WWTR1: variants seen among roughly 807,000 people sequenced by gnomAD.
WWTR1 encodes the protein WW domain-containing transcription regulator protein 1.
WWTR1 carries 13 observed loss-of-function variants against 40.1 expected under a neutral mutation model. That is an observed-to-expected ratio of 0.32 (90% CI 0.21 to 0.52). WWTR1 has a LOEUF of 0.52. Among genes scored for constraint, WWTR1 ranks in the 20% least tolerant of loss-of-function variants. WWTR1 has a pLI of 0.97. For missense variants in WWTR1, 436 were observed against 523.1 expected, an observed-to-expected ratio of 0.83 and a Z score of 1.63; for synonymous variants, 230 against 210.1, an observed-to-expected ratio of 1.09 and a Z score of -0.82.
At position 149,519,656 on chromosome 3, in the gene WWTR1, T is replaced by C. The variant is rs1451752966; in HGVS notation, c.*1149A>G. On this transcript the variant is annotated 3_prime_UTR_variant, in exon 7 of 7. Coordinates refer to ENST00000360632, the MANE Select transcript of WWTR1 (RefSeq NM_015472.6). Reference sequence around the variant, plus strand: ...ATTACAGTGCTTTATAAAATAAACATCAAGGCCGGGTGCGGTGGCTCACGC... The same window carrying C: ...ATTACAGTGCTTTATAAAATAAACACCAAGGCCGGGTGCGGTGGCTCACGC... 4 of 152,192 alleles carry C rather than the reference T, an allele frequency of 2.6e-5. No homozygotes were observed. Among genetic ancestry groups the C allele is most frequent in the African/African-American group, 9.7e-5 (4 of 41,446 alleles). 9.4% of individuals were successfully genotyped at this position (152,192 alleles called of 1,614,324 possible).
At chr3:149,564,418 CT>C (rs1737214807) in intron 3 of WWTR1, among the ~76,000 whole-genome samples, 4 of 151,620 alleles carry the variant, frequency 2.6e-5, no homozygotes, top group Admixed American at 2.6e-4. Flanking sequence ...GGCCTGGAGC[CT>C]TTTTTCCAAC....
chr3:149,622,277 T>C (rs1740314555), intron 2 of WWTR1, among the ~76,000 whole-genome samples: 1 of 152,140 alleles, frequency 6.6e-6, no homozygotes, highest in Non-Finnish European at 1.5e-5. Context: ...CAAGTTGTTG[T>C]TATTTGAAAG....
chr3:149,566,860 G>C (rs1018726730), intron 3 of WWTR1, among the ~76,000 whole-genome samples: 1 of 151,576 alleles, frequency 6.6e-6, no homozygotes, highest in African/African-American at 2.4e-5. Context: ...AGTACAGCTC[G>C]AGACACAGAC....
chr3:149,628,422 G>A (rs1298638758), intron 2 of WWTR1, among the ~76,000 whole-genome samples: 1 of 151,840 alleles, frequency 6.6e-6, no homozygotes, highest in African/African-American at 2.4e-5. Flanking sequence ...GGCACTTTGT[G>A]AGCTGCATGC....
chr3:149,520,675 T>C lies in WWTR1; in HGVS notation c.*130A>G. 1 of 799,404 alleles carries C rather than the reference T, an allele frequency of 1.3e-6. No homozygotes were observed. Among genetic ancestry groups the C allele is most frequent in the East Asian group, 3.0e-5 (1 of 33,302 alleles). The allele number at this position is 799,404 out of a possible 1,614,324, so 49.5% of individuals were successfully genotyped here. ...CCAGGCAATGATTAAACTGGCAACATAAAAAGGAGGGAGCACGAGTCATGG... is the reference window on the plus strand; with the variant it reads ...CCAGGCAATGATTAAACTGGCAACACAAAAAGGAGGGAGCACGAGTCATGG... On this transcript the variant is annotated 3_prime_UTR_variant, in exon 7 of 7. Transcript: ENST00000360632.
chr3:149,617,771 A>T (rs771121326), intron 2 of WWTR1, among the ~76,000 whole-genome samples: 1 of 152,236 alleles, frequency 6.6e-6, no homozygotes, highest in Non-Finnish European at 1.5e-5. Flanking sequence ...ACTGCACCCC[A>T]GCCTGGGAAA....
chr3:149,533,234 A>G (rs1032944792), intron 4 of WWTR1, among the ~76,000 whole-genome samples: 1 of 152,082 alleles, frequency 6.6e-6, no homozygotes, highest in African/African-American at 2.4e-5. Context: ...AGCTAGTCCA[A>G]CTGACCTCTT....
At chr3:149,676,436 G>C (rs1714261802) in intron 1 of WWTR1, among the ~76,000 whole-genome samples, 2 of 142,816 alleles carry the variant, frequency 1.4e-5, no homozygotes, top group East Asian at 4.2e-4. Context: ...ATCCTTGTCA[G>C]ACTAGATTCT....
intron 2 of WWTR1, among the ~76,000 whole-genome samples, chr3:149,619,422 A>T (rs1195183170): frequency 2.0e-5 from 3 of 152,146 alleles, no homozygotes; most frequent in Non-Finnish European, 2.9e-5. Context: ...GGAGTTCAAG[A>T]CCAGCCTGGG....
chr3:149,723,432 C>T lies in WWTR1; in HGVS notation n.459+648G>A, dbSNP rs1201516323. On this transcript the variant is annotated intron_variant and non_coding_transcript_variant, in intron 4 of 6. Coordinates refer to the WWTR1 transcript ENST00000474080. The stretch of plus-strand genomic sequence containing the variant: ...TAAACTCCCGACCTCAGGTGATCTG[C>T]CTGCCTCAGCCTCCCAAAGTGCAGG... 2.6e-5 allele frequency among the ~76,000 whole-genome samples: 4 copies of T among 152,250 alleles called. No homozygotes were observed. The South Asian group carries it at 8.3e-4, about 32-fold the overall frequency.
intron 2 of WWTR1, among the ~76,000 whole-genome samples, chr3:149,623,318 G>A (rs780406511): frequency 6.6e-6 from 1 of 152,150 alleles, no homozygotes; most frequent in African/African-American, 2.4e-5. Context: ...AGCCGAGATT[G>A]TGCCACTGCA....
chr3:149,537,266 G>C (rs1028547893), intron 4 of WWTR1, among the ~76,000 whole-genome samples: 26 of 151,994 alleles, frequency 1.7e-4, no homozygotes, highest in African/African-American at 5.6e-4. Context: ...CTTTGGAATG[G>C]GTACATACAA....
intron 2 of WWTR1, among the ~76,000 whole-genome samples, chr3:149,577,809 CCACCCTCCAAGT>C (rs942457810): frequency 2.0e-5 from 3 of 151,798 alleles, no homozygotes; most frequent in African/African-American, 7.3e-5. Flanking sequence ...GGTGGCACTC[CCACCCTCCAAGT>C]CACCCTCCCC....
intron 3 of WWTR1, among the ~76,000 whole-genome samples, chr3:149,543,523 A>C (rs2107939767): frequency 7.6e-6 from 1 of 131,954 alleles, no homozygotes; most frequent in Admixed American, 8.9e-5. Flanking sequence ...CGGAGGTTGC[A>C]GTGAGCCGAG....
chr3:149,528,776 A>C (rs550250147), intron 4 of WWTR1, among the ~76,000 whole-genome samples: 2 of 152,296 alleles, frequency 1.3e-5, no homozygotes, highest in Admixed American at 6.5e-5. Flanking sequence ...CTCAAAAAAA[A>C]CAAAAAAACA....
At chr3:149,722,930 C>T (rs1157488046) in intron 4 of WWTR1, among the ~76,000 whole-genome samples, 1 of 151,960 alleles carries the variant, frequency 6.6e-6, no homozygotes, top group African/African-American at 2.4e-5. Flanking sequence ...TATTGACTTT[C>T]ACCACATCCT....
chr3:149,679,907 C>T (rs1714398309), intron 1 of WWTR1, among the ~76,000 whole-genome samples: 1 of 152,190 alleles, frequency 6.6e-6, no homozygotes. Flanking sequence ...CCGATGGCGT[C>T]CTAGAGAGAC....
chr3:149,616,258 C>A (rs1161484623), intron 2 of WWTR1, among the ~76,000 whole-genome samples: 2 of 152,108 alleles, frequency 1.3e-5, no homozygotes, highest in East Asian at 3.9e-4. Flanking sequence ...TCTCATTTTT[C>A]CCCTTAATTG....
chr3:149,638,728 T>G (rs934347574), intron 2 of WWTR1, among the ~76,000 whole-genome samples: 2 of 152,160 alleles, frequency 1.3e-5, no homozygotes, highest in Non-Finnish European at 1.5e-5. Context: ...ACAATTTATA[T>G]CCGCTAGTCA....
Sources: gnomAD v4.1 joint callset for allele counts (sites outside exome capture counted in the v4.1 genomes callset) on GRCh38, gnomAD v4.1.1 for gene constraint, MANE v1.5 for transcripts, NCBI Gene and HGNC (gene_info 2026-07-23, HGNC 2026-07-21) for gene names.